Variants in RRM2 observed in about 807,000 individuals in gnomAD.
RRM2 encodes the protein ribonucleotide reductase regulatory subunit M2.
RRM2 carries 6 observed loss-of-function variants against 45.9 expected under a neutral mutation model. The ratio of observed to expected loss-of-function variants is 0.13; its 90% CI spans 0.07 to 0.26. RRM2 has a LOEUF of 0.26. Ranked by LOEUF, RRM2 falls within the 10% of genes least tolerant of loss-of-function variation. The probability of loss-of-function intolerance (pLI) is 1.00; values close to 1 mark genes in which losing one functional copy is unlikely to be tolerated. For missense variants in RRM2, 343 were observed against 489.5 expected (o/e 0.70, Z 2.82); for synonymous variants, 177 against 173.0 (o/e 1.02, Z -0.18).
intron 3 of RRM2, among the ~76,000 whole-genome samples, chr2:10,194,619 C>T (rs148819102): frequency 3.3e-5 from 5 of 152,342 alleles, no homozygotes; most frequent in South Asian, 2.1e-4. Context: ...GTGGCTTGGC[C>T]GGCCTGGTGT....
At chr2:10,177,553 CGT>C (rs1190452559) in intron 3 of RRM2, among the ~76,000 whole-genome samples, 1 of 151,990 alleles carries the variant, frequency 6.6e-6, no homozygotes, top group Non-Finnish European at 1.5e-5. Flanking sequence ...TGCATCCATT[CGT>C]GTGTGTGTGT....
intron 3 of RRM2, among the ~76,000 whole-genome samples, chr2:10,144,333 T>G (rs1490777820): frequency 6.6e-6 from 1 of 152,242 alleles, no homozygotes; most frequent in Non-Finnish European, 1.5e-5. Context: ...GATTTATTTC[T>G]TTTTCAATTT....
In RRM2 at chr2:10,210,209, A is replaced by G. The variant is rs1039985657; in HGVS notation, n.483-102A>G. 5.7e-5 allele frequency: 39 copies of G among 680,732 alleles called. No individual in the cohort carries two copies. In the African/African-American group the frequency reaches 6.9e-4, roughly 12 times the overall value. 42.2% of individuals were successfully genotyped at this position (680,732 alleles called of 1,614,324 possible). On this transcript the variant is annotated intron_variant and non_coding_transcript_variant, in intron 3 of 3. Transcript: ENST00000381786. ...TGTGGGCAGGAACCAGCCCTTGGCC[A>G]TGTTCCGGCTCCCTAGTGCCCAGTA...
intron 3 of RRM2, among the ~76,000 whole-genome samples, chr2:10,143,592 T>G (rs1465859306): frequency 1.3e-5 from 2 of 152,018 alleles, no homozygotes; most frequent in Non-Finnish European, 2.9e-5. Flanking sequence ...CAGGTTGCAC[T>G]GGGGGGGCCT....
At position 10,185,003 on chromosome 2, in the gene RRM2, T is replaced by C. The variant is rs1329882944; in HGVS notation, n.483-25308T>C. 2.0e-5 allele frequency among the ~76,000 whole-genome samples: 3 copies of C among 152,204 alleles called. No individual in the cohort carries two copies. The highest frequency in any genetic ancestry group is 1.3e-4 in the Admixed American group (2 of 15,274). On this transcript the variant is annotated intron_variant and non_coding_transcript_variant, in intron 3 of 3. Transcript: ENST00000381786. The surrounding 1 kb of genome is among the most constrained non-coding windows in gnomAD (Gnocchi z 4.3). ...CAGAGCAGCACTAACCCAAAGCCAA[T>C]CTGACAAATGAACAAGTCATTCTAT...
intron 3 of RRM2, among the ~76,000 whole-genome samples, chr2:10,160,631 C>T (rs573372783): frequency 6.6e-6 from 1 of 152,318 alleles, no homozygotes; most frequent in South Asian, 2.1e-4. Flanking sequence ...GGTCCCCTCT[C>T]CCCTCTGCCT....
intron 3 of RRM2, among the ~76,000 whole-genome samples, chr2:10,181,307 A>G (rs1414839207): frequency 1.4e-5 from 2 of 140,886 alleles, no homozygotes; most frequent in Non-Finnish European, 3.0e-5. Context: ...ATTTGCCTGC[A>G]GGATGGTAGC....
chr2:10,177,645 CCTGTTTG>C (rs1663944436), intron 3 of RRM2, among the ~76,000 whole-genome samples: 1 of 151,290 alleles, frequency 6.6e-6, no homozygotes, highest in African/African-American at 2.4e-5. Flanking sequence ...AAGGATCCCT[CCTGTTTG>C]CTTCTTTCCT....
intron 5 of RRM2, among the ~76,000 whole-genome samples, chr2:10,125,686 C>CA (rs1419787617): frequency 2.0e-5 from 3 of 151,564 alleles, no homozygotes; most frequent in Non-Finnish European, 2.9e-5. Context: ...CAAAACCAAG[C>CA]AAAAAAAACA....
At chr2:10,159,598 A>G (rs1663513282) in intron 3 of RRM2, among the ~76,000 whole-genome samples, 2 of 152,246 alleles carry the variant, frequency 1.3e-5, no homozygotes, top group South Asian at 4.1e-4. Context: ...GTGCAGCAAG[A>G]AAAGAAAGAC....
upstream of RRM2, chr2:10,122,606 C>A: frequency 6.6e-7 from 1 of 1,509,528 alleles, no homozygotes; most frequent in South Asian, 1.3e-5. Context: ...TGGGTAGGGG[C>A]AAGGCGCAGC....
intron 2 of RRM2, 126 bp from the exon 3 acceptor site, chr2:10,123,261 C>A: frequency 1.5e-6 from 2 of 1,329,370 alleles, no homozygotes; most frequent in Non-Finnish European, 2.0e-6. Flanking sequence ...CGGAGTGCGA[C>A]GGGACAGCCA....
chr2:10,177,884 A>C (rs1480571446), intron 3 of RRM2, among the ~76,000 whole-genome samples: 1 of 150,364 alleles, frequency 6.7e-6, no homozygotes, highest in Non-Finnish European at 1.5e-5. Context: ...AGCCTCACAA[A>C]GTGCTGGGAT....
At chr2:10,200,757 A>G (rs1664552839) in intron 3 of RRM2, among the ~76,000 whole-genome samples, 2 of 152,360 alleles carry the variant, frequency 1.3e-5, no homozygotes, top group East Asian at 3.9e-4. Context: ...TACTGGCTTC[A>G]CAAGTCAAGT....
In RRM2 at chr2:10,123,828, C is replaced by T; in HGVS notation, c.411C>T (p.Ser137=). ...ATGTTCTGGCTTTCTTTGCAGCAAG[C>T]GATGGCATAGTAAATGAAAACTTGG... ...ISHVLAFFAA[S]DGIVNENLVE... The change falls in exon 4 of 10, where the codon AGC becomes AGT. Residue 137 remains serine, a synonymous_variant. Transcript: ENST00000304567. 1.3e-6 allele frequency: 2 copies of T among 1,599,508 alleles called. No homozygotes were observed. The highest frequency in any genetic ancestry group is 1.1e-5 in the South Asian group (1 of 90,728).
rs1664142616 is a variant in RRM2 at position 10,185,349 on chromosome 2, T to C, written n.483-24962T>C. 6.6e-6 allele frequency among the ~76,000 whole-genome samples: 1 copy of C among 152,148 alleles called. No homozygotes were observed. Among genetic ancestry groups the C allele is most frequent in the African/African-American group, 2.4e-5 (1 of 41,414 alleles). ...CAGACGGCATCGATTCATTAATATATTCAAAACTATATTCAAAAACTATTC... is the reference window on the plus strand; with the variant it reads ...CAGACGGCATCGATTCATTAATATACTCAAAACTATATTCAAAAACTATTC... On this transcript the variant is annotated intron_variant and non_coding_transcript_variant, in intron 3 of 3. Transcript: ENST00000381786. The surrounding 1 kb of genome is among the most constrained non-coding windows in gnomAD (Gnocchi z 4.3).
At chr2:10,124,943 C>T in intron 5 of RRM2, 93 bp downstream of exon 5, 4 of 1,228,064 alleles carry the variant, frequency 3.3e-6, no homozygotes, top group African/African-American at 3.0e-5. Flanking sequence ...AAAATGACTC[C>T]AGAATGACTA....
At chr2:10,123,332 G>C (rs754946173) in intron 2 of RRM2, 55 bp from the exon 3 acceptor site, 61 of 1,542,998 alleles carry the variant, frequency 4.0e-5, no homozygotes, top group Non-Finnish European at 5.2e-5. Flanking sequence ...CCAGAAAAAC[G>C]TTAGTTTCAT....
intron 3 of RRM2, among the ~76,000 whole-genome samples, chr2:10,162,094 G>A (rs2125319106): frequency 6.6e-6 from 1 of 152,294 alleles, no homozygotes. Flanking sequence ...GCTCCCATCC[G>A]CCGCTGCCTG....
Sources: allele counts gnomAD v4.1 joint callset (sites outside exome capture counted in the v4.1 genomes callset), GRCh38; gene constraint gnomAD v4.1.1; non-coding constraint Gnocchi (gnomAD v3.1); transcripts MANE v1.5; gene names NCBI Gene and HGNC (gene_info 2026-07-23, HGNC 2026-07-21).